MROH1: variants seen among roughly 807,000 people sequenced by gnomAD.
MROH1 encodes maestro heat like repeat family member 1.
In MROH1, 117 loss-of-function variants were observed where a neutral mutation model predicts 116.5. The observed-to-expected ratio is 1.00, with a 90% CI of 0.86 to 1.17. The LOEUF (loss-of-function observed/expected upper bound fraction) is 1.17, where lower values mean the gene tolerates loss of function less well. Ranked by LOEUF, MROH1 falls within the 50% of genes most tolerant of loss-of-function variation. The pLI, the probability that MROH1 is intolerant of heterozygous loss-of-function variation, is 0.00. For synonymous variants in MROH1, 921 were observed against 583.9 expected, an observed-to-expected ratio of 1.58 and a Z score of -8.32; for missense variants, 1,873 against 1,338.5, an observed-to-expected ratio of 1.40 and a Z score of -6.23.
At chr8:144,238,375 A>T (rs1409473722) in intron 14 of MROH1, among the ~76,000 whole-genome samples, 1 of 152,182 alleles carries the variant, frequency 6.6e-6, no homozygotes, top group Non-Finnish European at 1.5e-5. Context: ...AGGACAGCAG[A>T]CATCCAGCCC....
At chr8:144,175,090 T>C in intron 4 of MROH1, 2 of 985,416 alleles carry the variant, frequency 2.0e-6, no homozygotes, top group Non-Finnish European at 2.4e-6. Context: ...TTGAGATGTG[T>C]TTCCAAGATC....
At chr8:144,153,076 A>T (rs927860050) in intron 1 of MROH1, among the ~76,000 whole-genome samples, 1 of 152,162 alleles carries the variant, frequency 6.6e-6, no homozygotes, top group African/African-American at 2.4e-5. Context: ...CTAGGAGTTC[A>T]ACTCTTCATA....
chr8:144,261,664 T>G lies in MROH1; in HGVS notation c.4850T>G (p.Ile1617Ser). The change falls in exon 44 of 44, where the codon ATC becomes AGC. Residue 1617 changes from isoleucine to serine, a missense_variant. Transcript: ENST00000326134. ...CCTCCTCTACCCCCAGCGCTCCAGATCCTGCTGAAGGACCCGGCCCCCGAG... is the reference window on the plus strand; with the variant it reads ...CCTCCTCTACCCCCAGCGCTCCAGAGCCTGCTGAAGGACCCGGCCCCCGAG... Reference protein sequence around the residue: ...DLDQLIAALQILLKDPAPEVR... With the variant: ...DLDQLIAALQSLLKDPAPEVR... 3 of 722,714 alleles carry G rather than the reference T, an allele frequency of 4.2e-6. No homozygotes were observed. The highest frequency in any genetic ancestry group is 7.6e-6 in the Non-Finnish European group (3 of 397,232). 44.8% of individuals were successfully genotyped at this position (722,714 alleles called of 1,614,324 possible).
chr8:144,260,484 T>G, intron 39 of MROH1, 110 bp downstream of exon 39: 1 of 698,172 alleles, frequency 1.4e-6, no homozygotes, highest in Non-Finnish European at 2.6e-6. Context: ...CTCGGCTAGG[T>G]GACCGTGGAG....
intron 10 of MROH1, among the ~76,000 whole-genome samples, chr8:144,194,142 A>G (rs528594014): frequency 1.3e-5 from 2 of 152,204 alleles, no homozygotes; most frequent in South Asian, 4.1e-4. Flanking sequence ...GGCTCACTGC[A>G]ACCTCCGCCT....
At chr8:144,206,595 G>A (rs1832860445) in intron 12 of MROH1, among the ~76,000 whole-genome samples, 3 of 151,444 alleles carry the variant, frequency 2.0e-5, no homozygotes, top group African/African-American at 7.2e-5. Flanking sequence ...GCTAATTTTT[G>A]TATTTTTAAT....
rs1047518864 is a variant in MROH1, at chr8:144,260,380, C to T, written c.4380+6C>T. The T allele has an allele frequency of 1.4e-6, 1 of 713,436 alleles. No homozygotes were observed. Among genetic ancestry groups the T allele is most frequent in the East Asian group, 2.6e-5 (1 of 37,922 alleles). The allele number at this position is 713,436 out of a possible 1,614,324, so 44.2% of individuals were successfully genotyped here. ...TCCGGCCTTTCTTCGACAGTGTAGG[C>T]TGGTTGGGGCAGGGGGAGGGAAGAG... On this transcript the variant is annotated splice_donor_region_variant and intron_variant, in intron 39 of 43. Coordinates refer to ENST00000326134, the MANE Select transcript of MROH1 (RefSeq NM_032450.3).
chr8:144,233,630 C>T (rs1839410132), intron 14 of MROH1, among the ~76,000 whole-genome samples: 1 of 152,186 alleles, frequency 6.6e-6, no homozygotes, highest in African/African-American at 2.4e-5. Context: ...TTCTCCCACT[C>T]AGCATAAGGT....
chr8:144,150,837 G>T (rs1816553264), intron 1 of MROH1, among the ~76,000 whole-genome samples: 1 of 152,160 alleles, frequency 6.6e-6, no homozygotes, highest in Non-Finnish European at 1.5e-5. Flanking sequence ...ATGGTCCCTG[G>T]CTAGGGCTCC....
In MROH1 at chr8:144,163,742, A is replaced by G. The variant is rs1230137766; in HGVS notation, c.-56-29A>G. The G allele has an allele frequency of 2.8e-6, 4 of 1,450,116 alleles. No homozygotes were observed. Among genetic ancestry groups the G allele is most frequent in the Non-Finnish European group, 3.9e-6 (4 of 1,038,016 alleles). The allele number at this position is 1,450,116 out of a possible 1,614,324, so 89.8% of individuals were successfully genotyped here. A position where few individuals can be genotyped will look rare whatever the true frequency, so the allele number is the denominator to read the frequency against. On this transcript the variant is annotated intron_variant, in intron 2 of 43. Coordinates refer to ENST00000326134, the MANE Select transcript of MROH1 (RefSeq NM_032450.3). The surrounding 1 kb of genome is among the most constrained non-coding windows in gnomAD (Gnocchi z 4.4). ...ACTCAGATATCGTAGAGGCTTATGAATTAAATCTTGTGATTTTGGTTATTC... is the reference window on the plus strand; with the variant it reads ...ACTCAGATATCGTAGAGGCTTATGAGTTAAATCTTGTGATTTTGGTTATTC...
At chr8:144,214,721 C>T (rs1380645879) in intron 12 of MROH1, among the ~76,000 whole-genome samples, 1 of 152,176 alleles carries the variant, frequency 6.6e-6, no homozygotes, top group Non-Finnish European at 1.5e-5. Context: ...CTGCTCATGG[C>T]TCATGTCCAT....
Position 144,239,068 on chromosome 8 carries a change from CCT to C in MROH1, c.1481_1482del (p.Pro494ArgfsTer98). On this transcript the variant is annotated frameshift_variant, in exon 16 of 44. Coordinates refer to ENST00000326134, the MANE Select transcript of MROH1 (RefSeq NM_032450.3). LOFTEE classifies it high-confidence loss of function. Reference protein sequence around the residue: ...LWPYLLQFLTPVRFTGALTPL... With the variant: ...LWPYLLQFLTXVRFTGALTPL... The stretch of plus-strand genomic sequence containing the variant: ...GCCATACCTGCTCCAGTTCCTCACC[CCT>C]GTGCGCTTCACTGGGGCCCTGACTC... 1 of 778,052 alleles carries C rather than the reference CCT, an allele frequency of 1.3e-6. No homozygotes were observed. 48.2% of individuals were successfully genotyped at this position (778,052 alleles called of 1,614,324 possible).
chr8:144,177,954 G>A (rs1042250765), intron 4 of MROH1, among the ~76,000 whole-genome samples: 41 of 137,148 alleles, frequency 3.0e-4, no homozygotes, highest in Middle Eastern at 3.6e-3. Context: ...CCCAGTCTCC[G>A]GTATTTCTTC....
intron 1 of MROH1, among the ~76,000 whole-genome samples, chr8:144,157,677 CTTTTTTTTTT>C (rs1164415639): frequency 1.7e-5 from 2 of 117,930 alleles, no homozygotes; most frequent in Middle Eastern, 5.1e-3. Flanking sequence ...TTCTTTCTTT[CTTTTTTTTTT>C]TTTTTTTTTT....
At chr8:144,189,805 G>A (rs1175776169) in intron 7 of MROH1, among the ~76,000 whole-genome samples, 2 of 152,240 alleles carry the variant, frequency 1.3e-5, no homozygotes, top group Admixed American at 1.3e-4. Flanking sequence ...CTGTGAGGAT[G>A]GGTGGGCGTG....
intron 31 of MROH1, among the ~76,000 whole-genome samples, 162 bp downstream of exon 31, chr8:144,247,841 C>G (rs957887036): frequency 7.2e-5 from 11 of 152,252 alleles, no homozygotes; most frequent in Non-Finnish European, 1.6e-4. Flanking sequence ...CCGGCGCTGC[C>G]CTGCGCTGGC....
Position 144,260,677 on chromosome 8 carries a change from G to C in MROH1, c.4381G>C (p.Glu1461Gln). 1.3e-6 allele frequency: 1 copy of C among 778,978 alleles called. No individual in the cohort carries two copies. Among genetic ancestry groups the C allele is most frequent in the Non-Finnish European group, 2.4e-6 (1 of 417,790 alleles). The allele number at this position is 778,978 out of a possible 1,614,324, so 48.3% of individuals were successfully genotyped here. ...GACGTATGCTGCATGTCCTTCCCAG[G>C]AGAAGATGGAGTTCCGGACGGCATC... ...AIRIRPFFDS[E>Q]KMEFRTASIR... is the part of the protein sequence containing the mutation. The change falls in exon 40 of 44, where the codon GAG becomes CAG. Residue 1461 changes from glutamate (E) to glutamine (Q), a missense_variant and splice_region_variant. Glu to Gln is a conservative substitution (Grantham distance 29, BLOSUM62 2). Transcript: ENST00000326134.
chr8:144,256,298 C>T (rs1204880236), intron 35 of MROH1, among the ~76,000 whole-genome samples: 2 of 152,148 alleles, frequency 1.3e-5, no homozygotes, highest in Non-Finnish European at 2.9e-5. Context: ...TGCCATGCCG[C>T]ACCTGCCCAG....
chr8:144,193,872 G>A (rs1053505522), intron 10 of MROH1, among the ~76,000 whole-genome samples: 1 of 152,000 alleles, frequency 6.6e-6, no homozygotes, highest in African/African-American at 2.4e-5. Context: ...GCCTCCCAAA[G>A]TGTTGGGATT....
Sources: allele counts gnomAD v4.1 joint callset (sites outside exome capture counted in the v4.1 genomes callset), GRCh38; gene constraint gnomAD v4.1.1; non-coding constraint Gnocchi (gnomAD v3.1); transcripts MANE v1.5; gene names NCBI Gene and HGNC (gene_info 2026-07-23, HGNC 2026-07-21).